Variants in CSMD3 observed in about 807,000 individuals in gnomAD.
The protein encoded by CSMD3 is CUB and Sushi multiple domains 3, also known as CUB and sushi domain-containing protein 3.
Under a neutral mutation model 435.2 loss-of-function variants are expected in CSMD3, and 177 were observed. That is an observed-to-expected ratio of 0.41 (90% CI 0.36 to 0.46). The LOEUF (loss-of-function observed/expected upper bound fraction) is 0.46, where lower values mean the gene tolerates loss of function less well. Ranked by LOEUF, CSMD3 falls within the 20% of genes least tolerant of loss-of-function variation. The pLI is 0.34. For synonymous variants in CSMD3, 1,656 were observed against 1,520.5 expected (o/e 1.09, Z -2.07); for missense variants, 4,265 against 4,504.6 (o/e 0.95, Z 1.52).
chr8:113,383,760 C>T (rs1329858976), intron 1 of CSMD3, among the ~76,000 whole-genome samples: 1 of 152,132 alleles, frequency 6.6e-6, no homozygotes, highest in Non-Finnish European at 1.5e-5. Context: ...ACCACAGGGG[C>T]AGTTTTTCAC....
chr8:112,977,190 G>A (rs2084884576), intron 6 of CSMD3, among the ~76,000 whole-genome samples: 1 of 151,884 alleles, frequency 6.6e-6, no homozygotes, highest in Non-Finnish European at 1.5e-5. Context: ...AAAGGATCTT[G>A]ACAGCTAAAA....
intron 5 of CSMD3, among the ~76,000 whole-genome samples, chr8:113,093,771 T>C (rs1387648816): frequency 1.3e-5 from 2 of 152,132 alleles, no homozygotes; most frequent in African/African-American, 4.8e-5. Flanking sequence ...AACCAACTAA[T>C]AAAAATAAAT....
At chr8:112,854,456 G>A (rs2080588780) in intron 11 of CSMD3, among the ~76,000 whole-genome samples, 1 of 152,178 alleles carries the variant, frequency 6.6e-6, no homozygotes, top group African/African-American at 2.4e-5. Context: ...AATGGAGGGA[G>A]ATGGCAATTG....
At chr8:113,114,480 A>G (rs1468536833) in intron 4 of CSMD3, among the ~76,000 whole-genome samples, 1 of 152,118 alleles carries the variant, frequency 6.6e-6, no homozygotes, top group Non-Finnish European at 1.5e-5. Context: ...TTGTGTTTGG[A>G]CCTTGGAAAG....
chr8:113,223,447 C>T (rs1164210693), intron 3 of CSMD3, among the ~76,000 whole-genome samples: 1 of 150,302 alleles, frequency 6.7e-6, no homozygotes, highest in Non-Finnish European at 1.5e-5. Context: ...TTAGTACCTG[C>T]TCAGTATGGT....
At chr8:113,028,079 T>C (rs774922709) in intron 5 of CSMD3, among the ~76,000 whole-genome samples, 2 of 152,120 alleles carry the variant, frequency 1.3e-5, no homozygotes, top group Non-Finnish European at 2.9e-5. Flanking sequence ...CAATGCTGCA[T>C]TGGGCAAGTG....
At chr8:113,296,750 G>C (rs1431661718) in intron 2 of CSMD3, among the ~76,000 whole-genome samples, 1 of 142,420 alleles carries the variant, frequency 7.0e-6, no homozygotes, top group African/African-American at 2.6e-5. Flanking sequence ...TCCTCCTTCT[G>C]TTTCTTGGTT....
intron 10 of CSMD3, among the ~76,000 whole-genome samples, chr8:112,874,011 T>A (rs2081208515): frequency 6.6e-6 from 1 of 152,172 alleles, no homozygotes; most frequent in African/African-American, 2.4e-5. Context: ...AGGGTGTCGA[T>A]TTTAGATCTT....
Position 112,224,028 on chromosome 8 carries a change from G to A in CSMD3, c.*743C>T, listed in dbSNP as rs1357882523. The A allele has an allele frequency of 1.3e-5, 2 of 152,102 alleles. No homozygotes were observed. Among genetic ancestry groups the A allele is most frequent in the Non-Finnish European group, 2.9e-5 (2 of 68,020 alleles). 9.4% of individuals were successfully genotyped at this position (152,102 alleles called of 1,614,324 possible). On this transcript the variant is annotated 3_prime_UTR_variant, in exon 71 of 71. Coordinates refer to ENST00000297405, the MANE Select transcript of CSMD3 (RefSeq NM_198123.2). ...TAGGAAAAAACCATATTGAAGCAAGGAGTGAAACACTACCCCATAGCTCAC... is the reference window on the plus strand; with the variant it reads ...TAGGAAAAAACCATATTGAAGCAAGAAGTGAAACACTACCCCATAGCTCAC...
rs540578754 is a variant in CSMD3, at chr8:113,217,182, G to A, written c.515-43266C>T. The stretch of plus-strand genomic sequence containing the variant: ...AACTAAGAACAAAGCAGTCTGAAGA[G>A]GTGTAAATTATGCCAGTAAAGTTTC... On this transcript the variant is annotated intron_variant, in intron 3 of 70. Coordinates refer to ENST00000297405, the MANE Select transcript of CSMD3 (RefSeq NM_198123.2). Among the ~76,000 whole-genome samples, 4 of 151,286 alleles carry A rather than the reference G, an allele frequency of 2.6e-5. No individual in the cohort carries two copies. The South Asian group carries it at 8.3e-4, about 31-fold the overall frequency.
intron 35 of CSMD3, among the ~76,000 whole-genome samples, chr8:112,402,175 G>C (rs1831401128): frequency 6.6e-6 from 1 of 152,156 alleles, no homozygotes; most frequent in Admixed American, 6.6e-5. Context: ...ATTGGTATGG[G>C]ATTTGAAGAT....
At chr8:112,317,797 T>C (rs1822611731) in intron 47 of CSMD3, among the ~76,000 whole-genome samples, 1 of 152,168 alleles carries the variant, frequency 6.6e-6, no homozygotes, top group African/African-American at 2.4e-5. Context: ...AATTTTATAG[T>C]ATGCTTAAAA....
intron 16 of CSMD3, among the ~76,000 whole-genome samples, chr8:112,676,932 G>A (rs2075782244): frequency 6.6e-6 from 1 of 152,122 alleles, no homozygotes; most frequent in South Asian, 2.1e-4. Flanking sequence ...AAGTAGAAAT[G>A]TAACTCAGAG....
At chr8:112,720,851 A>C (rs533813640) in intron 13 of CSMD3, among the ~76,000 whole-genome samples, 1 of 152,340 alleles carries the variant, frequency 6.6e-6, no homozygotes, top group Admixed American at 6.5e-5. Flanking sequence ...TTGATTAAAT[A>C]ATTTGAAAGC....
chr8:112,299,217 C>T (rs990540880), intron 53 of CSMD3, among the ~76,000 whole-genome samples: 3 of 151,916 alleles, frequency 2.0e-5, no homozygotes, highest in Admixed American at 6.6e-5. Flanking sequence ...GCACAGTGAC[C>T]GTGAAGGGGC....
chr8:112,805,871 G>A (rs1444156267), intron 12 of CSMD3, among the ~76,000 whole-genome samples: 1 of 152,104 alleles, frequency 6.6e-6, no homozygotes, highest in African/African-American at 2.4e-5. Flanking sequence ...ATTTGTCCCA[G>A]TGGGGGATCT....
At chr8:112,225,066 T>A (rs1421958925) in intron 70 of CSMD3, 136 bp from the exon 71 acceptor site, 1 of 854,410 alleles carries the variant, frequency 1.2e-6, no homozygotes, top group Non-Finnish European at 1.9e-6. Flanking sequence ...ACACACTAAG[T>A]CAACTTGAAC....
chr8:112,968,719 C>A (rs1345994846), intron 7 of CSMD3, among the ~76,000 whole-genome samples: 1 of 151,872 alleles, frequency 6.6e-6, no homozygotes, highest in Non-Finnish European at 1.5e-5. Flanking sequence ...ACAACTTTTT[C>A]TTTGGGAATA....
intron 1 of CSMD3, among the ~76,000 whole-genome samples, chr8:113,413,590 G>A (rs1563797962): frequency 6.6e-6 from 1 of 152,094 alleles, no homozygotes; most frequent in Non-Finnish European, 1.5e-5. Context: ...TTTGTGAAAT[G>A]ATGATTATCC....
Sources: allele counts gnomAD v4.1 joint callset (sites outside exome capture counted in the v4.1 genomes callset), GRCh38; gene constraint gnomAD v4.1.1; transcripts MANE v1.5; gene names NCBI Gene and HGNC (gene_info 2026-07-23, HGNC 2026-07-21).